Variants in GABPB1 observed in about 807,000 individuals in gnomAD.
The protein encoded by GABPB1 is GA binding protein transcription factor subunit beta 1.
A neutral mutation model predicts 45.9 loss-of-function variants in GABPB1; 15 were observed. The observed-to-expected ratio is 0.33, with a 90% CI of 0.22 to 0.50. The LOEUF (loss-of-function observed/expected upper bound fraction) is 0.50, where lower values mean the gene tolerates loss of function less well. Among genes scored for constraint, GABPB1 ranks in the 20% least tolerant of loss-of-function variants. GABPB1 has a pLI of 0.98. For missense variants in GABPB1, 252 were observed against 457.5 expected (o/e 0.55, Z 4.10); for synonymous variants, 143 against 154.4 (o/e 0.93, Z 0.55).
chr15:50,347,810 C>G (rs897300329), intron 1 of GABPB1, among the ~76,000 whole-genome samples: 6 of 152,130 alleles, frequency 3.9e-5, no homozygotes, highest in Non-Finnish European at 7.3e-5. Flanking sequence ...AATCTCAGCA[C>G]TTTGGGAGGC....
intron 1 of GABPB1, among the ~76,000 whole-genome samples, chr15:50,343,073 G>T (rs1324868049): frequency 6.6e-6 from 1 of 152,084 alleles, no homozygotes; most frequent in Non-Finnish European, 1.5e-5. Context: ...CTAATTTTTT[G>T]TATTTTTAGT....
chr15:50,335,259 A>G (rs559853589), intron 1 of GABPB1, among the ~76,000 whole-genome samples: 9 of 152,290 alleles, frequency 5.9e-5, no homozygotes, highest in African/African-American at 2.2e-4. Context: ...AAAAGCGGTT[A>G]GTTCTGGTTC....
intron 1 of GABPB1, among the ~76,000 whole-genome samples, chr15:50,319,068 G>C (rs937186239): frequency 2.0e-5 from 3 of 152,132 alleles, no homozygotes; most frequent in Admixed American, 6.6e-5. Context: ...TTCCTAAGTA[G>C]AAAGTCAAAA....
intron 1 of GABPB1, among the ~76,000 whole-genome samples, chr15:50,315,099 T>G (rs559490974): frequency 6.6e-6 from 1 of 152,236 alleles, no homozygotes; most frequent in Non-Finnish European, 1.5e-5. Context: ...ATGATTTTTT[T>G]GAAATTATGC....
At chr15:50,281,698 G>A (rs2045984166) in intron 8 of GABPB1, among the ~76,000 whole-genome samples, 1 of 152,140 alleles carries the variant, frequency 6.6e-6, no homozygotes. Context: ...TCACTACAAT[G>A]GCAGAATTGA....
At chr15:50,325,699 T>A (rs2047731090) in intron 1 of GABPB1, among the ~76,000 whole-genome samples, 1 of 147,654 alleles carries the variant, frequency 6.8e-6, no homozygotes, top group Non-Finnish European at 1.5e-5. Context: ...GCCCAGCTAA[T>A]TTTTTGTATT....
chr15:50,336,142 G>A (rs1567539814), intron 1 of GABPB1, among the ~76,000 whole-genome samples: 2 of 151,852 alleles, frequency 1.3e-5, no homozygotes. Flanking sequence ...CCTGAGGTCA[G>A]GAGCTCAAGA....
At chr15:50,335,557 A>C (rs1287935579) in intron 1 of GABPB1, among the ~76,000 whole-genome samples, 2 of 152,346 alleles carry the variant, frequency 1.3e-5, no homozygotes, top group African/African-American at 4.8e-5. Flanking sequence ...AAAGCTACTA[A>C]GGTAATGTTC....
chr15:50,334,722 C>A lies in GABPB1; in HGVS notation c.-1+20263G>T, dbSNP rs377378797. 3.9e-5 allele frequency among the ~76,000 whole-genome samples: 6 copies of A among 152,004 alleles called. No homozygotes were observed. The East Asian group carries it at 9.7e-4, about 24-fold the overall frequency. On this transcript the variant is annotated intron_variant, in intron 1 of 8. Transcript: ENST00000380877. Reference sequence around the variant, plus strand: ...ACAAGGTTTCACCATGTTGCCCAGGCTGGCCTCAAACTCCTGAGTCAGTTT... The same window carrying A: ...ACAAGGTTTCACCATGTTGCCCAGGATGGCCTCAAACTCCTGAGTCAGTTT...
At chr15:50,315,912 C>T (rs116753783) in intron 1 of GABPB1, among the ~76,000 whole-genome samples, 3,069 of 152,200 alleles carry the variant, frequency 0.02, 105 homozygotes, top group African/African-American at 0.071. Context: ...CCGCCCATCT[C>T]TGCTAAAAAA....
chr15:50,337,378 G>A (rs1595831977), intron 1 of GABPB1, among the ~76,000 whole-genome samples: 1 of 151,834 alleles, frequency 6.6e-6, no homozygotes, highest in East Asian at 1.9e-4. Context: ...GAAAGACTAA[G>A]CCAGCAATAA....
chr15:50,316,576 A>C (rs1039492152), intron 1 of GABPB1, among the ~76,000 whole-genome samples: 1 of 150,488 alleles, frequency 6.6e-6, no homozygotes, highest in Non-Finnish European at 1.5e-5. Context: ...GATTTTCTCC[A>C]CTCCAATTTT....
chr15:50,312,646 C>T (rs1278571990), intron 1 of GABPB1, among the ~76,000 whole-genome samples: 1 of 152,180 alleles, frequency 6.6e-6, no homozygotes, highest in Non-Finnish European at 1.5e-5. Flanking sequence ...GTCACACTAA[C>T]AAATACAGCA....
intron 1 of GABPB1, 133 bp downstream of exon 1, chr15:50,354,852 G>A: frequency 8.7e-6 from 2 of 230,454 alleles, no homozygotes; most frequent in East Asian, 1.9e-4. Flanking sequence ...CCGGAAACCC[G>A]GCGCCTTAAT....
intron 1 of GABPB1, among the ~76,000 whole-genome samples, chr15:50,327,579 T>C (rs1320524597): frequency 6.6e-6 from 1 of 152,182 alleles, no homozygotes; most frequent in Non-Finnish European, 1.5e-5. Flanking sequence ...ACAATCATTC[T>C]GAAGAACAAT....
At chr15:50,314,222 T>C (rs1463205442) in intron 1 of GABPB1, among the ~76,000 whole-genome samples, 3 of 152,138 alleles carry the variant, frequency 2.0e-5, no homozygotes, top group African/African-American at 7.2e-5. Flanking sequence ...CTCGCTCTGT[T>C]GCCCAGGCTG....
intron 1 of GABPB1, among the ~76,000 whole-genome samples, chr15:50,324,509 A>ACC (rs1326228347): frequency 2.8e-5 from 4 of 142,834 alleles, no homozygotes; most frequent in Non-Finnish European, 3.0e-5. Context: ...CCAGTGATCC[A>ACC]ATGCCCTGAA....
chr15:50,303,195 A>C (rs2046818812), intron 3 of GABPB1, 72 bp from the exon 4 acceptor site: 1 of 1,161,782 alleles, frequency 8.6e-7, no homozygotes, highest in African/African-American at 1.6e-5. Context: ...TGAAATTATT[A>C]GTTCTGTGCT....
chr15:50,320,160 CCT>C (rs1440424501), intron 1 of GABPB1, among the ~76,000 whole-genome samples: 1 of 152,128 alleles, frequency 6.6e-6, no homozygotes, highest in Non-Finnish European at 1.5e-5. Context: ...CACAAGCAAT[CCT>C]CTTTTTTTCA....
Sources: allele counts gnomAD v4.1 joint callset (sites outside exome capture counted in the v4.1 genomes callset), GRCh38; gene constraint gnomAD v4.1.1; transcripts MANE v1.5; gene names NCBI Gene and HGNC (gene_info 2026-07-23, HGNC 2026-07-21).